The following CDH13 variants were observed in gnomAD, a reference collection of about 807,000 sequenced individuals.
CDH13 encodes cadherin-13.
In CDH13, 24 loss-of-function variants were observed where a neutral mutation model predicts 63.8. The ratio of observed to expected loss-of-function variants is 0.38; its 90% CI spans 0.27 to 0.53. CDH13 has a LOEUF of 0.53. CDH13 is among the 20% of genes least tolerant of loss of function. The pLI is 0.85. For missense variants in CDH13, 1,049 were observed against 903.1 expected (o/e 1.16, Z -2.07); for synonymous variants, 503 against 355.3 (o/e 1.42, Z -4.67).
intron 7 of CDH13, among the ~76,000 whole-genome samples, chr16:83,504,562 A>G (rs902736899): frequency 1.3e-5 from 2 of 152,066 alleles, no homozygotes; most frequent in African/African-American, 4.8e-5. Context: ...TATGACCTGG[A>G]CTCCACGTTT....
intron 1 of CDH13, among the ~76,000 whole-genome samples, chr16:82,661,630 C>A (rs1465632843): frequency 1.3e-5 from 2 of 152,230 alleles, no homozygotes; most frequent in Non-Finnish European, 2.9e-5. Context: ...AGGATGGATG[C>A]TGGATGCATA....
At chr16:83,496,696 A>G (rs1328705841) in intron 7 of CDH13, among the ~76,000 whole-genome samples, 1 of 152,252 alleles carries the variant, frequency 6.6e-6, no homozygotes, top group African/African-American at 2.4e-5. Flanking sequence ...CTGCACAGCA[A>G]AAGAAACTAC....
intron 5 of CDH13, among the ~76,000 whole-genome samples, chr16:83,258,133 G>T (rs1906516240): frequency 6.6e-6 from 1 of 152,154 alleles, no homozygotes; most frequent in African/African-American, 2.4e-5. Flanking sequence ...GGCTATTTCT[G>T]ATTTACACAA....
At chr16:83,217,291 GC>G in intron 4 of CDH13, 53 bp from the exon 5 acceptor site, 1 of 1,585,938 alleles carries the variant, frequency 6.3e-7, no homozygotes, top group Non-Finnish European at 8.6e-7. Context: ...TTTGCAATGT[GC>G]TTTCTCTGTG....
intron 10 of CDH13, among the ~76,000 whole-genome samples, chr16:83,738,807 AAGGC>A (rs1165314993): frequency 1.1e-4 from 16 of 152,238 alleles, no homozygotes; most frequent in Admixed American, 4.6e-4. Flanking sequence ...TTGGGAGCCT[AAGGC>A]AGGAGAATCG....
At chr16:83,766,409 G>A (rs1467148009) in intron 11 of CDH13, among the ~76,000 whole-genome samples, 1 of 152,188 alleles carries the variant, frequency 6.6e-6, no homozygotes, top group Non-Finnish European at 1.5e-5. Flanking sequence ...AATTACTTGT[G>A]CATCAACCTA....
intron 3 of CDH13, among the ~76,000 whole-genome samples, chr16:83,116,303 G>C (rs2035292426): frequency 6.6e-6 from 1 of 152,196 alleles, no homozygotes; most frequent in Non-Finnish European, 1.5e-5. Flanking sequence ...ACCTCACGGG[G>C]AGGGAGGTCA....
Position 82,938,385 on chromosome 16 carries a change from C to T in CDH13, c.157+79912C>T, listed in dbSNP as rs1241300879. ...TGAGCAGATTAAATGATCAATGTTTCTTTTAGATTAGCCCTCTCAAATATC... is the reference window on the plus strand; with the variant it reads ...TGAGCAGATTAAATGATCAATGTTTTTTTTAGATTAGCCCTCTCAAATATC... On this transcript the variant is annotated intron_variant, in intron 2 of 13. Transcript: ENST00000567109. Among the ~76,000 whole-genome samples the T allele has an allele frequency of 2.0e-5, 3 of 152,176 alleles. No individual in the cohort carries two copies. In the South Asian group the frequency reaches 6.2e-4, roughly 32 times the overall value.
chr16:83,006,297 C>G (rs533389223), intron 2 of CDH13, among the ~76,000 whole-genome samples: 3 of 152,208 alleles, frequency 2.0e-5, no homozygotes. Context: ...TACAACCTTT[C>G]CTTAATACAG....
chr16:82,696,136 G>A (rs1008911672), intron 1 of CDH13, among the ~76,000 whole-genome samples: 7 of 152,144 alleles, frequency 4.6e-5, no homozygotes, highest in Admixed American at 4.6e-4. Context: ...ACCCTTCTGG[G>A]ACTCTGATGA....
intron 6 of CDH13, among the ~76,000 whole-genome samples, chr16:83,415,280 G>A (rs117754444): frequency 2.8e-3 from 428 of 152,096 alleles, no homozygotes; most frequent in Non-Finnish European, 4.4e-3. Context: ...AGATTGAATC[G>A]GTAACCACAA....
At chr16:82,902,400 A>C (rs1047231411) in intron 2 of CDH13, among the ~76,000 whole-genome samples, 1 of 152,122 alleles carries the variant, frequency 6.6e-6, no homozygotes, top group Non-Finnish European at 1.5e-5. Flanking sequence ...AAAAAAAAAA[A>C]AAGTCCCAGC....
At chr16:83,139,994 C>T (rs1312075392) in intron 4 of CDH13, among the ~76,000 whole-genome samples, 1 of 152,146 alleles carries the variant, frequency 6.6e-6, no homozygotes, top group African/African-American at 2.4e-5. Flanking sequence ...AAGAGCAAAA[C>T]TCCATCTATA....
chr16:82,727,231 G>A (rs529034927), intron 1 of CDH13, among the ~76,000 whole-genome samples: 1 of 152,132 alleles, frequency 6.6e-6, no homozygotes. Context: ...ACACACTCTG[G>A]TGTTTGCACT....
chr16:82,951,463 C>A (rs1045106896), intron 2 of CDH13, among the ~76,000 whole-genome samples: 1 of 152,156 alleles, frequency 6.6e-6, no homozygotes, highest in South Asian at 2.1e-4. Flanking sequence ...CATCTCCTCC[C>A]AAGCCGAGGA....
intron 5 of CDH13, among the ~76,000 whole-genome samples, chr16:83,308,176 A>T (rs1254074175): frequency 6.6e-6 from 1 of 152,152 alleles, no homozygotes; most frequent in Non-Finnish European, 1.5e-5. Context: ...TGTTGTTCTA[A>T]CAAAGAAAAC....
intron 8 of CDH13, among the ~76,000 whole-genome samples, chr16:83,645,543 C>T (rs1210376192): frequency 6.6e-6 from 1 of 151,946 alleles, no homozygotes; most frequent in Non-Finnish European, 1.5e-5. Context: ...ACATGCCCCC[C>T]CCCAATCTAA....
intron 6 of CDH13, among the ~76,000 whole-genome samples, chr16:83,445,983 A>G (rs192585376): frequency 2.0e-5 from 3 of 152,188 alleles, no homozygotes; most frequent in East Asian, 3.9e-4. Flanking sequence ...TCCCCCATCA[A>G]ACTTTTTTAT....
chr16:83,003,834 C>G (rs1358594366), intron 2 of CDH13, among the ~76,000 whole-genome samples: 1 of 152,226 alleles, frequency 6.6e-6, no homozygotes, highest in Non-Finnish European at 1.5e-5. Flanking sequence ...ACTCCATACC[C>G]TAAATAATTC....
Sources: gnomAD v4.1 joint callset for allele counts (sites outside exome capture counted in the v4.1 genomes callset) on GRCh38, gnomAD v4.1.1 for gene constraint, MANE v1.5 for transcripts, NCBI Gene and HGNC (gene_info 2026-07-23, HGNC 2026-07-21) for gene names.